ZDHHC11: variants seen among roughly 807,000 people sequenced by gnomAD.
The protein encoded by ZDHHC11 is zDHHC palmitoyltransferase 11.
Under a neutral mutation model 51.3 loss-of-function variants are expected in ZDHHC11, and 44 were observed. The observed-to-expected ratio is 0.86, with a 90% confidence interval of 0.67 to 1.10. ZDHHC11 has a LOEUF of 1.10. Ranked by LOEUF, ZDHHC11 falls within the 50% of genes least tolerant of loss-of-function variation. The pLI is 0.00. For missense variants in ZDHHC11, 400 were observed against 537.7 expected (o/e 0.74, Z 2.53); for synonymous variants, 163 against 222.0 (o/e 0.73, Z 2.36).
At chr5:817,000 A>G in intron 10 of ZDHHC11, 1 of 230,552 alleles carries the variant, frequency 4.3e-6, no homozygotes. Flanking sequence ...AACATCAAAT[A>G]GCCCTCTTTC....
chr5:804,731 G>A (rs1738997954), intron 11 of ZDHHC11, among the ~76,000 whole-genome samples: 2 of 151,292 alleles, frequency 1.3e-5, no homozygotes, highest in African/African-American at 4.9e-5. Flanking sequence ...GAAAATACCT[G>A]TCAACCAAGA....
At chr5:859,985 C>T (rs573168211), upstream of ZDHHC11, among the ~76,000 whole-genome samples, 95 of 152,350 alleles carry the variant, frequency 6.2e-4, no homozygotes, top group Non-Finnish European at 2.9e-5. Context: ...AGACCACCAC[C>T]GTGAGGGAGT....
Position 850,501 on chromosome 5 carries a change from C to G in ZDHHC11, c.102G>C (p.Trp34Cys). The G allele has an allele frequency of 3.1e-6, 5 of 1,613,754 alleles. No homozygotes were observed. Among genetic ancestry groups the G allele is most frequent in the Non-Finnish European group, 4.2e-6 (5 of 1,180,032 alleles). ...CCTGGAAGTAGTGCAGGGGTAACGA[C>G]CAGCCGTTCACTCTGGAGATGCGGG... Reference protein sequence around the residue: ...LPPRISRVNGWSLPLHYFQVV... With the variant: ...LPPRISRVNGCSLPLHYFQVV... Residue 34 changes from tryptophan to cysteine, a missense_variant, in exon 1 of 13, where the codon TGG becomes TGC. Transcript: ENST00000283441.
intron 7 of ZDHHC11, among the ~76,000 whole-genome samples, chr5:825,553 A>G (rs572052): frequency 0.34 from 48,407 of 143,174 alleles, 3,806 homozygotes; most frequent in African/African-American, 0.53. Flanking sequence ...GGTTCTGAAG[A>G]GTGATGGCAG....
rs1442008540 is a variant in ZDHHC11, at chr5:836,778, A to T, written c.900+587T>A. Among the ~76,000 whole-genome samples the T allele has an allele frequency of 4.7e-5, 7 of 150,072 alleles. 1 individual carries two copies. The highest frequency in any genetic ancestry group is 1.7e-4 in the African/African-American group (7 of 40,634). On this transcript the variant is annotated intron_variant, in intron 6 of 12. Transcript: ENST00000283441. ...TTCCTTAAGTTAAAAATCATGTTTCAGGCCAGGTACAGTGACTCATGCTTG... is the reference window on the plus strand; with the variant it reads ...TTCCTTAAGTTAAAAATCATGTTTCTGGCCAGGTACAGTGACTCATGCTTG...
At chr5:831,679 A>AT (rs1466315794) in intron 7 of ZDHHC11, among the ~76,000 whole-genome samples, 1 of 149,692 alleles carries the variant, frequency 6.7e-6, no homozygotes, top group East Asian at 2.0e-4. Flanking sequence ...CAAATGGCCA[A>AT]CAAGCATAGG....
rs28620375 is a variant in ZDHHC11, at chr5:825,433, C to G, written c.936-182G>C. On this transcript the variant is annotated intron_variant, in intron 7 of 12. Coordinates refer to ENST00000283441, the MANE Select transcript of ZDHHC11 (RefSeq NM_024786.3). ...TACTCCTGCGTTATGTGCAGTGGCA[C>G]ACGTAAGAAGCTTCTCGTGTAAAGG... 5.3e-3 allele frequency among the ~76,000 whole-genome samples: 790 copies of G among 149,548 alleles called. 1 individual carries two copies. The highest frequency in any genetic ancestry group is 0.019 in the African/African-American group (754 of 40,322).
intron 11 of ZDHHC11, among the ~76,000 whole-genome samples, chr5:802,301 G>A (rs1156387443): frequency 2.6e-5 from 4 of 151,036 alleles, no homozygotes; most frequent in Admixed American, 6.6e-5. Context: ...ATGCACAGAA[G>A]GAAGTGACAG....
At position 825,138 on chromosome 5, in the gene ZDHHC11, G is replaced by T. The variant is rs1295860130; in HGVS notation, c.1023+26C>A. On this transcript the variant is annotated intron_variant, in intron 8 of 12. Transcript: ENST00000283441. ...TTCTGCACACGGCCCTGACCTCGGGGTGCATCGCTGGTGACTGCAACTTAC... is the reference window on the plus strand; with the variant it reads ...TTCTGCACACGGCCCTGACCTCGGGTTGCATCGCTGGTGACTGCAACTTAC... The T allele has an allele frequency of 6.3e-6, 10 of 1,598,582 alleles. No homozygotes were observed. The African/African-American group carries it at 6.7e-5, about 11-fold the overall frequency.
chr5:835,282 T>G (rs1204665595), intron 6 of ZDHHC11, among the ~76,000 whole-genome samples: 1 of 151,640 alleles, frequency 6.6e-6, no homozygotes, highest in African/African-American at 2.4e-5. Context: ...GATATCCAAT[T>G]GTTCTAGTAC....
intron 4 of ZDHHC11, chr5:842,165 T>A (rs375289683): frequency 0.012 from 11,605 of 984,068 alleles, 7 homozygotes; most frequent in Middle Eastern, 0.029. Flanking sequence ...CACTGCCCTG[T>A]GGAAGCAGCA....
chr5:833,975 C>A (rs1337594942), intron 6 of ZDHHC11, among the ~76,000 whole-genome samples, 168 bp from the exon 7 acceptor site: 20 of 152,234 alleles, frequency 1.3e-4, no homozygotes, highest in African/African-American at 4.6e-4. Context: ...CACGTGTTTT[C>A]ATTTCTCTCT....
intron 3 of ZDHHC11, among the ~76,000 whole-genome samples, chr5:845,682 C>G (rs1746039721): frequency 6.6e-6 from 1 of 152,022 alleles, no homozygotes; most frequent in African/African-American, 2.4e-5. Flanking sequence ...CTCGCGGGGG[C>G]TCTGCCATCA....
intron 12 of ZDHHC11, among the ~76,000 whole-genome samples, chr5:798,829 C>T (rs1415832885): frequency 6.6e-6 from 1 of 151,844 alleles, no homozygotes; most frequent in East Asian, 1.9e-4. Flanking sequence ...TTCGAAAGCA[C>T]CCTAGGAAGA....
intron 10 of ZDHHC11, chr5:816,300 G>A (rs1009920521): frequency 4.4e-5 from 13 of 297,594 alleles, no homozygotes; most frequent in African/African-American, 2.9e-4. Context: ...TTGCTTAACA[G>A]AAGATCACAA....
At chr5:812,817 G>A (rs1327358059) in intron 11 of ZDHHC11, among the ~76,000 whole-genome samples, 2 of 151,014 alleles carry the variant, frequency 1.3e-5, no homozygotes, top group African/African-American at 2.4e-5. Context: ...ACTAAGCCAC[G>A]GTATATGCAC....
chr5:838,121 TG>T (rs1744172552), intron 5 of ZDHHC11, among the ~76,000 whole-genome samples: 1 of 151,616 alleles, frequency 6.6e-6, no homozygotes, highest in Non-Finnish European at 1.5e-5. Flanking sequence ...CAGCCTCTGA[TG>T]GGGCTGAGAC....
At chr5:805,844 C>A (rs560481285) in intron 11 of ZDHHC11, among the ~76,000 whole-genome samples, 64 of 151,268 alleles carry the variant, frequency 4.2e-4, no homozygotes, top group Non-Finnish European at 6.6e-4. Flanking sequence ...TAGAGAAGCT[C>A]CCGGGCCCTG....
chr5:856,893 TACACCAAACCACACACCACACAC>T (rs1378696373), intron 1 of ZDHHC11, among the ~76,000 whole-genome samples: 7 of 130,672 alleles, frequency 5.4e-5, no homozygotes, highest in Admixed American at 1.5e-4. Context: ...ATACCACACA[TACACCAAACCACACACCACACAC>T]ACACCAAACC....
Sources: gnomAD v4.1 joint callset for allele counts (sites outside exome capture counted in the v4.1 genomes callset) on GRCh38, gnomAD v4.1.1 for gene constraint, MANE v1.5 for transcripts, NCBI Gene and HGNC (gene_info 2026-07-23, HGNC 2026-07-21) for gene names.